METTL24: variants seen among roughly 807,000 people sequenced by gnomAD.
The protein encoded by METTL24 is probable methyltransferase-like protein 24.
In METTL24, 29 loss-of-function variants were observed where a neutral mutation model predicts 32.7. That is an observed-to-expected ratio of 0.89 (90% CI 0.66 to 1.21). The LOEUF is 1.21. Ranked by LOEUF, METTL24 falls within the 50% of genes most tolerant of loss-of-function variation. The probability of loss-of-function intolerance (pLI) is 0.00; values close to 1 mark genes in which losing one functional copy is unlikely to be tolerated. For synonymous variants in METTL24, 163 were observed against 179.5 expected (o/e 0.91, Z 0.73); for missense variants, 439 against 468.1 (o/e 0.94, Z 0.57).
In METTL24 at chr6:110,248,762, A is replaced by T. The variant is rs114737200; in HGVS notation, c.787-2502T>A. ...TAGTGAGACCTCATCTCTACAAAAAAAAATAAAAATAAAAATAAAACATTA... is the reference window on the plus strand; with the variant it reads ...TAGTGAGACCTCATCTCTACAAAAATAAATAAAAATAAAAATAAAACATTA... On this transcript the variant is annotated intron_variant, in intron 4 of 4. Coordinates refer to ENST00000338882, the MANE Select transcript of METTL24 (RefSeq NM_001123364.3). Among the ~76,000 whole-genome samples the T allele has an allele frequency of 8.6e-3, 1,305 of 152,058 alleles. 12 individuals are homozygous for T. Among genetic ancestry groups the T allele is most frequent in the African/African-American group, 0.03 (1,244 of 41,532 alleles).
chr6:110,326,317 G>A (rs987317603), intron 1 of METTL24, among the ~76,000 whole-genome samples: 13 of 152,242 alleles, frequency 8.5e-5, no homozygotes, highest in Non-Finnish European at 1.3e-4. Flanking sequence ...ACACTTCCAC[G>A]TAGCTGTCCA....
At chr6:110,326,757 A>G (rs1167001738) in intron 1 of METTL24, among the ~76,000 whole-genome samples, 2 of 152,238 alleles carry the variant, frequency 1.3e-5, no homozygotes, top group Admixed American at 1.3e-4. Context: ...GTACAGGAAT[A>G]CAGCCAATCC....
At chr6:110,284,743 T>G (rs1407786975) in intron 4 of METTL24, among the ~76,000 whole-genome samples, 1 of 152,210 alleles carries the variant, frequency 6.6e-6, no homozygotes, top group Non-Finnish European at 1.5e-5. Flanking sequence ...AGTTAATAAT[T>G]TTTATTTTTT....
intron 1 of METTL24, among the ~76,000 whole-genome samples, chr6:110,346,911 T>C (rs971973557): frequency 1.2e-4 from 19 of 152,350 alleles, no homozygotes; most frequent in African/African-American, 4.6e-4. Flanking sequence ...ATCATCGTTA[T>C]ATGTAAATAC....
chr6:110,292,963 G>C (rs1269457710), intron 4 of METTL24, among the ~76,000 whole-genome samples: 1 of 151,892 alleles, frequency 6.6e-6, no homozygotes, highest in Non-Finnish European at 1.5e-5. Context: ...CTGTTTATCT[G>C]TTCATGCAAT....
intron 3 of METTL24, among the ~76,000 whole-genome samples, chr6:110,303,366 G>A (rs981431195): frequency 5.3e-5 from 8 of 152,138 alleles, no homozygotes; most frequent in African/African-American, 1.7e-4. Context: ...AAGTGGTCTT[G>A]CTCAGCAGAT....
At chr6:110,341,361 A>T (rs1268205035) in intron 1 of METTL24, among the ~76,000 whole-genome samples, 1 of 152,226 alleles carries the variant, frequency 6.6e-6, no homozygotes, top group African/African-American at 2.4e-5. Context: ...AAATTCAAGC[A>T]TTTCAATTTC....
intron 4 of METTL24, among the ~76,000 whole-genome samples, chr6:110,298,313 G>T (rs1771457689): frequency 6.6e-6 from 1 of 152,202 alleles, no homozygotes. Flanking sequence ...AAAGAACACA[G>T]TTCAAAGATT....
At chr6:110,333,258 T>C (rs1210427055) in intron 1 of METTL24, among the ~76,000 whole-genome samples, 1 of 152,094 alleles carries the variant, frequency 6.6e-6, no homozygotes, top group African/African-American at 2.4e-5. Context: ...ATTTCAAAGA[T>C]GCTTGGGATC....
At chr6:110,330,599 T>C (rs1399366273) in intron 1 of METTL24, among the ~76,000 whole-genome samples, 3 of 152,148 alleles carry the variant, frequency 2.0e-5, no homozygotes, top group Non-Finnish European at 2.9e-5. Flanking sequence ...ACTGAGCTAA[T>C]AGATGGACCT....
At chr6:110,274,763 T>A in intron 4 of METTL24, among the ~76,000 whole-genome samples, 1 of 150,368 alleles carries the variant, frequency 6.7e-6, no homozygotes, top group Admixed American at 6.6e-5. Context: ...ACATTTTACA[T>A]TTTGGTAGCT....
At chr6:110,252,711 G>A (rs1378237957) in intron 4 of METTL24, among the ~76,000 whole-genome samples, 4 of 152,096 alleles carry the variant, frequency 2.6e-5, no homozygotes, top group African/African-American at 9.7e-5. Context: ...CAAATTAATT[G>A]GAGGTGAGTC....
chr6:110,267,827 A>G (rs748985894), intron 4 of METTL24, among the ~76,000 whole-genome samples: 2 of 152,200 alleles, frequency 1.3e-5, no homozygotes, highest in Non-Finnish European at 2.9e-5. Context: ...GGTGGAAGGT[A>G]AAATGGGAAC....
intron 4 of METTL24, among the ~76,000 whole-genome samples, chr6:110,255,267 A>G (rs1778360891): frequency 6.6e-6 from 1 of 152,226 alleles, no homozygotes; most frequent in Non-Finnish European, 1.5e-5. Flanking sequence ...ATTTACAAGC[A>G]AAGGCTCTTT....
At chr6:110,269,483 T>C (rs1438164894) in intron 4 of METTL24, among the ~76,000 whole-genome samples, 1 of 152,186 alleles carries the variant, frequency 6.6e-6, no homozygotes, top group Non-Finnish European at 1.5e-5. Flanking sequence ...CATAATTCAG[T>C]AGGCTGTCCC....
chr6:110,347,015 G>A (rs61350515), intron 1 of METTL24, among the ~76,000 whole-genome samples: 43,350 of 151,740 alleles, frequency 0.29, 6,615 homozygotes, highest in Non-Finnish European at 0.33. Flanking sequence ...CTTTGATGGC[G>A]TTCTTTTAAA....
intron 1 of METTL24, among the ~76,000 whole-genome samples, chr6:110,348,642 T>G (rs1259636940): frequency 6.6e-6 from 1 of 152,246 alleles, no homozygotes; most frequent in Non-Finnish European, 1.5e-5. Context: ...TGCCTCTGAT[T>G]TGGGGACGGA....
At chr6:110,275,125 T>A (rs1225589668) in intron 4 of METTL24, among the ~76,000 whole-genome samples, 1 of 151,826 alleles carries the variant, frequency 6.6e-6, no homozygotes, top group East Asian at 2.0e-4. Context: ...TAATGACCTA[T>A]GTCTACTCTC....
chr6:110,321,374 T>C (rs1024007747), intron 2 of METTL24, among the ~76,000 whole-genome samples: 9 of 152,262 alleles, frequency 5.9e-5, no homozygotes, highest in Admixed American at 5.9e-4. Flanking sequence ...TTATAAGTTA[T>C]GGAACATTAA....
Sources: allele counts gnomAD v4.1 joint callset (sites outside exome capture counted in the v4.1 genomes callset), GRCh38; gene constraint gnomAD v4.1.1; transcripts MANE v1.5; gene names NCBI Gene and HGNC (gene_info 2026-07-23, HGNC 2026-07-21).